The following NAA38 variants were observed in gnomAD, a reference collection of about 807,000 sequenced individuals.
NAA38 encodes the protein N-alpha-acetyltransferase 38, NatC auxiliary subunit.
Under a neutral mutation model 12.6 loss-of-function variants are expected in NAA38, and 15 were observed. That is an observed-to-expected ratio of 1.19 (90% CI 0.79 to 1.83). NAA38 has a LOEUF of 1.83. NAA38 is among the 40% of genes most tolerant of loss of function. The pLI, the probability that NAA38 is intolerant of heterozygous loss-of-function variation, is 0.00. For missense variants in NAA38, 183 were observed against 171.7 expected, an observed-to-expected ratio of 1.07 and a Z score of -0.37; for synonymous variants, 88 against 69.9, an observed-to-expected ratio of 1.26 and a Z score of -1.29.
intron 3 of NAA38, chr17:7,865,772 G>A (rs994800499): frequency 1.3e-5 from 2 of 152,218 alleles, no homozygotes; most frequent in Admixed American, 1.3e-4. Flanking sequence ...GGAGGTAAAA[G>A]GGGGGTATCC....
chr17:7,869,777 G>GA (rs1055260132), intron 2 of NAA38, among the ~76,000 whole-genome samples: 5 of 150,406 alleles, frequency 3.3e-5, no homozygotes, highest in African/African-American at 7.3e-5. Context: ...AAAAAGAAAA[G>GA]AAAAAAAAAT....
intron 1 of NAA38, among the ~76,000 whole-genome samples, chr17:7,884,071 A>AAC (rs149257134): frequency 0.042 from 6,179 of 148,404 alleles, 358 homozygotes; most frequent in African/African-American, 0.13. Context: ...ATGCCCCCCC[A>AAC]ACACACACAC....
chr17:7,868,091 A>C (rs1258801197), intron 2 of NAA38, among the ~76,000 whole-genome samples: 1 of 152,184 alleles, frequency 6.6e-6, no homozygotes, highest in Non-Finnish European at 1.5e-5. Context: ...GGCTAGAGTT[A>C]TAGGTGTGGG....
At chr17:7,871,066 G>A (rs973143396) in intron 2 of NAA38, among the ~76,000 whole-genome samples, 5 of 151,940 alleles carry the variant, frequency 3.3e-5, no homozygotes, top group African/African-American at 9.7e-5. Flanking sequence ...CCATCATATC[G>A]AGCTAAGCAC....
intron 3 of NAA38, chr17:7,866,470 G>A: frequency 8.1e-7 from 1 of 1,231,372 alleles, no homozygotes; most frequent in Non-Finnish European, 1.0e-6. Flanking sequence ...CTTCTCTTAA[G>A]ATGAACTTAG....
rs543597286 is a variant in NAA38, at chr17:7,857,056, T to C, written c.224A>G (p.Asn75Ser). The change falls in exon 2 of 3, where the codon AAT becomes AGT. Residue 75 changes from asparagine (N) to serine (S), a missense_variant. Asn to Ser is a conservative substitution (Grantham distance 46). Transcript: ENST00000575771. ...GCFLCTDRDC[N>S]VILGSAQEFL... Reference sequence around the variant, plus strand: ...CTCCTGCGCCGAGCCCAGGATGACATTGCAGTCACGGTCAGTGCAGAGGAA... The same window carrying C: ...CTCCTGCGCCGAGCCCAGGATGACACTGCAGTCACGGTCAGTGCAGAGGAA... 1.9e-5 allele frequency: 30 copies of C among 1,613,106 alleles called. No homozygotes were observed. Among genetic ancestry groups the C allele is most frequent in the Non-Finnish European group, 2.2e-5 (26 of 1,179,682 alleles).
chr17:7,883,185 G>A (rs1967322625), intron 2 of NAA38: 1 of 152,096 alleles, frequency 6.6e-6, no homozygotes, highest in Non-Finnish European at 1.5e-5. Flanking sequence ...GGTACAGTTG[G>A]AAATCACAGG....
chr17:7,885,045 C>T (rs552066058), intron 1 of NAA38: 1 of 1,083,406 alleles, frequency 9.2e-7, no homozygotes, highest in Non-Finnish European at 1.1e-6. Context: ...CCGCCGCCGC[C>T]GCCACCGCTG....
chr17:7,868,016 G>A lies in NAA38; in HGVS notation c.-65-1458C>T, dbSNP rs187362146. On this transcript the variant is annotated intron_variant, in intron 2 of 4. Coordinates refer to the NAA38 transcript ENST00000576861. ...TTTAGTTAGCTGTATGAGGTAACTCGGGCAGGCAGGCACATGTCCAGATCT... is the reference window on the plus strand; with the variant it reads ...TTTAGTTAGCTGTATGAGGTAACTCAGGCAGGCAGGCACATGTCCAGATCT... 5.9e-5 allele frequency among the ~76,000 whole-genome samples: 9 copies of A among 152,268 alleles called. No individual in the cohort carries two copies. The East Asian group carries it at 1.7e-3, about 29-fold the overall frequency.
At chr17:7,874,996 G>A (rs1401474268) in intron 2 of NAA38, among the ~76,000 whole-genome samples, 1 of 151,408 alleles carries the variant, frequency 6.6e-6, no homozygotes, top group African/African-American at 2.4e-5. Flanking sequence ...AAGAGTTTAA[G>A]ACCAATTTGA....
At chr17:7,858,838 A>G, upstream of NAA38, 2 of 1,522,966 alleles carry the variant, frequency 1.3e-6, no homozygotes, top group Non-Finnish European at 1.8e-6. Context: ...AGAACTGGTG[A>G]CAAGGAGCAG....
intron 2 of NAA38, among the ~76,000 whole-genome samples, chr17:7,882,798 G>C (rs1967298900): frequency 6.6e-6 from 1 of 152,144 alleles, no homozygotes; most frequent in Non-Finnish European, 1.5e-5. Flanking sequence ...CATCTTCCCA[G>C]TCACTAATAC....
intron 3 of NAA38, chr17:7,864,566 G>A (rs1966929831): frequency 6.6e-6 from 1 of 152,070 alleles, no homozygotes; most frequent in African/African-American, 2.4e-5. Context: ...CAAAGTGTTG[G>A]GATTATAAGT....
At chr17:7,857,700 G>A (rs1395926668), upstream of NAA38, 3 of 1,309,664 alleles carry the variant, frequency 2.3e-6, no homozygotes, top group Non-Finnish European at 2.9e-6. Context: ...TTTACCTCTG[G>A]TTTCTTACAC....
At chr17:7,874,436 A>T (rs191982661) in intron 2 of NAA38, among the ~76,000 whole-genome samples, 40 of 152,314 alleles carry the variant, frequency 2.6e-4, no homozygotes, top group Admixed American at 2.3e-3. Context: ...TGGCAGGACT[A>T]AGCCAGATGT....
upstream of NAA38, chr17:7,885,365 G>A (rs1210431354): frequency 1.4e-5 from 2 of 147,558 alleles, no homozygotes; most frequent in Non-Finnish European, 2.8e-5. Context: ...GGAGAGCGCT[G>A]GGCGCGAGCT....
intron 1 of NAA38, among the ~76,000 whole-genome samples, chr17:7,883,987 GC>G (rs1049595627): frequency 4.6e-5 from 7 of 151,714 alleles, no homozygotes; most frequent in Non-Finnish European, 1.0e-4. Flanking sequence ...ACTGATTAAT[GC>G]CCCCCCTCAA....
At chr17:7,884,776 G>T (rs1967479079) in intron 1 of NAA38, 1 of 375,200 alleles carries the variant, frequency 2.7e-6, no homozygotes, top group Non-Finnish European at 4.6e-6. Flanking sequence ...GGCGGTGGGT[G>T]GGGGGGTGGT....
At chr17:7,870,273 AAAATAAAATAAATTTTT>A (rs1267024654) in intron 2 of NAA38, among the ~76,000 whole-genome samples, 1 of 152,176 alleles carries the variant, frequency 6.6e-6, no homozygotes, top group Non-Finnish European at 1.5e-5. Flanking sequence ...AAAATAAAAT[AAAATAAAATAAATTTTT>A]AAAAGCAGAT....
Sources: gnomAD v4.1 joint callset for allele counts (sites outside exome capture counted in the v4.1 genomes callset) on GRCh38, gnomAD v4.1.1 for gene constraint, MANE v1.5 for transcripts, NCBI Gene and HGNC (gene_info 2026-07-23, HGNC 2026-07-21) for gene names.